Variants in TRAPPC9 observed in about 807,000 individuals in gnomAD.
TRAPPC9 encodes the protein trafficking protein particle complex subunit 9, also known as IKK2 binding protein.
A neutral mutation model predicts 124.0 loss-of-function variants in TRAPPC9; 83 were observed. The ratio of observed to expected loss-of-function variants is 0.67; its 90% confidence interval spans 0.56 to 0.80. The LOEUF (loss-of-function observed/expected upper bound fraction) is 0.80, where lower values mean the gene tolerates loss of function less well. TRAPPC9 is among the 30% of genes least tolerant of loss of function. TRAPPC9 has a pLI of 0.00. For synonymous variants in TRAPPC9, 638 were observed against 617.5 expected, an observed-to-expected ratio of 1.03 and a Z score of -0.49; for missense variants, 1,302 against 1,508.3, an observed-to-expected ratio of 0.86 and a Z score of 2.27.
At chr8:140,076,577 G>C (rs1399825740) in intron 17 of TRAPPC9, among the ~76,000 whole-genome samples, 1 of 152,212 alleles carries the variant, frequency 6.6e-6, no homozygotes, top group Non-Finnish European at 1.5e-5. Flanking sequence ...AGGCCATGGG[G>C]CCCATCCCCT....
chr8:139,839,500 G>A (rs1011275047), intron 21 of TRAPPC9, among the ~76,000 whole-genome samples: 3 of 152,164 alleles, frequency 2.0e-5, no homozygotes, highest in African/African-American at 4.8e-5. Context: ...AAGAAATGGC[G>A]GGCTCAAGAA....
intron 21 of TRAPPC9, among the ~76,000 whole-genome samples, chr8:139,798,304 T>C (rs1253424693): frequency 6.6e-6 from 1 of 152,262 alleles, no homozygotes; most frequent in African/African-American, 2.4e-5. Context: ...CATGTTTGGA[T>C]TGTTCACTGC....
chr8:140,181,905 G>A (rs1011231863), intron 17 of TRAPPC9, among the ~76,000 whole-genome samples: 1 of 152,064 alleles, frequency 6.6e-6, no homozygotes, highest in Non-Finnish European at 1.5e-5. Flanking sequence ...TTCTACCTGG[G>A]TTGGCTGCTC....
chr8:140,420,706 T>C (rs1023111199), intron 5 of TRAPPC9, among the ~76,000 whole-genome samples: 9 of 152,102 alleles, frequency 5.9e-5, no homozygotes, highest in African/African-American at 1.9e-4. Context: ...TAAAAAAATG[T>C]ATAAAGAGAT....
chr8:140,273,844 G>C (rs773632840), intron 15 of TRAPPC9, among the ~76,000 whole-genome samples: 1 of 152,222 alleles, frequency 6.6e-6, no homozygotes, highest in African/African-American at 2.4e-5. Context: ...TGTTTCACAG[G>C]GAATGGTTTT....
At chr8:139,946,652 A>G (rs554841965) in intron 19 of TRAPPC9, among the ~76,000 whole-genome samples, 2 of 151,498 alleles carry the variant, frequency 1.3e-5, no homozygotes, top group South Asian at 2.1e-4. Context: ...GTGAAGAGAT[A>G]TGAGAGTATC....
intron 21 of TRAPPC9, among the ~76,000 whole-genome samples, chr8:139,778,006 G>A (rs57293487): frequency 0.056 from 8,352 of 150,212 alleles, 734 homozygotes; most frequent in African/African-American, 0.18. Context: ...GAGAGAGAGA[G>A]AAAAAAAAAC....
chr8:139,773,245 G>A (rs991219828), intron 21 of TRAPPC9, among the ~76,000 whole-genome samples: 2 of 152,228 alleles, frequency 1.3e-5, no homozygotes, highest in Admixed American at 6.5e-5. Flanking sequence ...TCCTCGTGCC[G>A]ATGGCTCTAA....
At chr8:140,095,554 C>T (rs1465120239) in intron 17 of TRAPPC9, 1 of 152,220 alleles carries the variant, frequency 6.6e-6, no homozygotes, top group Non-Finnish European at 1.5e-5. Flanking sequence ...GACCTTCAGG[C>T]CTCCAGACAG....
chr8:140,297,520 T>C (rs895544663), intron 11 of TRAPPC9, among the ~76,000 whole-genome samples: 2 of 152,238 alleles, frequency 1.3e-5, no homozygotes, highest in Non-Finnish European at 2.9e-5. Context: ...AATACAGTAT[T>C]GACTGCAGTT....
rs1454055726 is a variant in TRAPPC9 at position 140,451,401 on chromosome 8, A to G, written c.-10-18T>C. 1 of 1,592,632 alleles carries G rather than the reference A, an allele frequency of 6.3e-7. No homozygotes were observed. The highest frequency in any genetic ancestry group is 1.3e-5 in the African/African-American group (1 of 74,768). On this transcript the variant is annotated intron_variant, in intron 1 of 22. Transcript: ENST00000438773. ...TGAAGTCCCTGTTCAGAGAGAAGAA[A>G]TGAGGCTGTGAGACACAGAGTCCTG...
rs1454907407 is a variant in TRAPPC9 at position 140,156,370 on chromosome 8, TA to T, written c.2556+65088del. Among the ~76,000 whole-genome samples, 14 of 152,264 alleles carry T rather than the reference TA, an allele frequency of 9.2e-5. No homozygotes were observed. In the East Asian group the frequency reaches 2.5e-3, roughly 27 times the overall value. On this transcript the variant is annotated intron_variant, in intron 17 of 22. Coordinates refer to ENST00000438773, the MANE Select transcript of TRAPPC9 (RefSeq NM_001160372.4). ...CAGTTTCTGCTCTGAAAAGTGAAAATAATGATAATGCTCCCACACGGGGATC... is the reference window on the plus strand; with the variant it reads ...CAGTTTCTGCTCTGAAAAGTGAAAATATGATAATGCTCCCACACGGGGATC...
In TRAPPC9 at chr8:139,986,893, A is replaced by G. The variant is rs1187457881; in HGVS notation, c.2810+1833T>C. 2.0e-5 allele frequency among the ~76,000 whole-genome samples: 3 copies of G among 152,166 alleles called. No homozygotes were observed. In the South Asian group the frequency reaches 6.2e-4, roughly 32 times the overall value. On this transcript the variant is annotated intron_variant, in intron 19 of 22. Coordinates refer to ENST00000438773, the MANE Select transcript of TRAPPC9 (RefSeq NM_001160372.4). ...GTTCCAATCTCTCCAGAAGGAACCA[A>G]TGTTCTGAGTTTTTCCATCGTAAAT...
intron 14 of TRAPPC9, among the ~76,000 whole-genome samples, chr8:140,281,302 G>A (rs1390456092): frequency 6.6e-6 from 1 of 152,226 alleles, no homozygotes; most frequent in Admixed American, 6.5e-5. Context: ...GCCCTGCTAT[G>A]GTGAGCCCTG....
At chr8:139,884,583 AC>A (rs1178492110) in intron 21 of TRAPPC9, among the ~76,000 whole-genome samples, 2 of 152,050 alleles carry the variant, frequency 1.3e-5, no homozygotes, top group African/African-American at 4.8e-5. Context: ...ACCCCATCTC[AC>A]GGCCAGGGGG....
intron 18 of TRAPPC9, among the ~76,000 whole-genome samples, chr8:140,018,324 A>ATTTTTTTTTTTTTTTTTTTTT (rs1554608008): frequency 8.3e-6 from 1 of 119,778 alleles, no homozygotes; most frequent in African/African-American, 3.3e-5. Flanking sequence ...AACGTAAGTG[A>ATTTTTTTTTTTTTTTTTTTTT]TTTTTTTTTT....
intron 17 of TRAPPC9, among the ~76,000 whole-genome samples, chr8:140,140,856 A>G (rs1175086633): frequency 6.6e-6 from 1 of 151,848 alleles, no homozygotes; most frequent in African/African-American, 2.4e-5. Context: ...TTCTGCTACA[A>G]TCACCACCCC....
chr8:140,201,216 G>C (rs552725381), intron 17 of TRAPPC9, among the ~76,000 whole-genome samples: 42 of 152,304 alleles, frequency 2.8e-4, no homozygotes, highest in African/African-American at 9.6e-4. Context: ...TATTCCGAAA[G>C]AGAAAACAGA....
At chr8:140,454,640 CA>C (rs34042143) in intron 1 of TRAPPC9, among the ~76,000 whole-genome samples, 7,002 of 67,944 alleles carry the variant, frequency 0.1, 435 homozygotes, top group African/African-American at 0.29. Flanking sequence ...GACTCCCTCT[CA>C]AAAAAAAAAA....
Sources: allele counts gnomAD v4.1 joint callset (sites outside exome capture counted in the v4.1 genomes callset), GRCh38; gene constraint gnomAD v4.1.1; transcripts MANE v1.5; gene names NCBI Gene and HGNC (gene_info 2026-07-23, HGNC 2026-07-21).